Variants in TMPRSS11A observed in about 807,000 individuals in gnomAD.
TMPRSS11A encodes the protein transmembrane serine protease 11A.
In TMPRSS11A, 53 loss-of-function variants were observed where a neutral mutation model predicts 58.9. The observed-to-expected ratio is 0.90, with a 90% CI of 0.72 to 1.13. TMPRSS11A has a LOEUF of 1.13. Ranked by LOEUF, TMPRSS11A falls within the 50% of genes most tolerant of loss-of-function variation. TMPRSS11A has a pLI of 0.00. For missense variants in TMPRSS11A, 493 were observed against 499.3 expected, an observed-to-expected ratio of 0.99 and a Z score of 0.12; for synonymous variants, 167 against 169.8, an observed-to-expected ratio of 0.98 and a Z score of 0.13.
chr4:67,914,751 T>C, intron 8 of TMPRSS11A, 21 bp from the exon 9 acceptor site: 1 of 1,604,720 alleles, frequency 6.2e-7, no homozygotes, highest in Non-Finnish European at 8.5e-7. Context: ...AATAGAGTTA[T>C]TCTAGTATTT....
intron 3 of TMPRSS11A, among the ~76,000 whole-genome samples, chr4:67,939,837 T>C (rs975990277): frequency 6.6e-6 from 1 of 152,044 alleles, no homozygotes; most frequent in Non-Finnish European, 1.5e-5. Context: ...TACAGGCACC[T>C]GCCACCATGC....
At chr4:67,929,419 T>C (rs924990264) in intron 5 of TMPRSS11A, among the ~76,000 whole-genome samples, 9 of 152,224 alleles carry the variant, frequency 5.9e-5, no homozygotes, top group African/African-American at 1.7e-4. Context: ...AACTTCAAAG[T>C]TGGCTTGCCA....
intron 3 of TMPRSS11A, among the ~76,000 whole-genome samples, chr4:67,937,538 A>G (rs1293178665): frequency 1.3e-5 from 2 of 152,220 alleles, no homozygotes; most frequent in African/African-American, 4.8e-5. Context: ...CCTTCCTGAC[A>G]GTAGAACAAT....
chr4:67,946,487 T>C lies in TMPRSS11A; in HGVS notation c.96A>G (p.Ala32=), dbSNP rs1218387440. The change falls in exon 2 of 10, where the codon GCA becomes GCG. Residue 32 remains alanine (A), a synonymous_variant. Transcript: ENST00000508048. ...VLIVLSLTVV[A]VTIGLLVHFL... ...AGTGAACCAGGAGACCTATGGTCAC[T>C]GCCACCACTGTCAGGGACAACACAA... 1 of 1,610,358 alleles carries C rather than the reference T, an allele frequency of 6.2e-7. No homozygotes were observed. The highest frequency in any genetic ancestry group is 1.3e-5 in the African/African-American group (1 of 74,834).
At chr4:67,912,229 A>G (rs1719998999) in intron 9 of TMPRSS11A, among the ~76,000 whole-genome samples, 1 of 152,106 alleles carries the variant, frequency 6.6e-6, no homozygotes, top group African/African-American at 2.4e-5. Context: ...GTTCAAGGAC[A>G]TCAGATAGCT....
intron 8 of TMPRSS11A, among the ~76,000 whole-genome samples, chr4:67,916,042 T>G (rs353168): frequency 2.6e-5 from 4 of 152,128 alleles, no homozygotes; most frequent in Non-Finnish European, 4.4e-5. Context: ...AGCATCTCCC[T>G]AACTCCTTCC....
chr4:67,919,753 G>C (rs1243330514), intron 7 of TMPRSS11A, among the ~76,000 whole-genome samples: 1 of 152,218 alleles, frequency 6.6e-6, no homozygotes, highest in African/African-American at 2.4e-5. Flanking sequence ...CTAAGACATA[G>C]TAAAAGAGGG....
rs146221416 is a variant in TMPRSS11A at position 67,922,872 on chromosome 4, A to G, written c.575T>C (p.Ile192Thr). The G allele has an allele frequency of 1.2e-5, 20 of 1,614,042 alleles. No homozygotes were observed. The highest frequency in any genetic ancestry group is 1.7e-5 in the Non-Finnish European group (20 of 1,180,030). Residue 192 changes from isoleucine to threonine, a missense_variant, in exon 7 of 10, where the codon ATT becomes ACT. Ile to Thr is a moderately conservative substitution (Grantham distance 89, BLOSUM62 -1). Transcript: ENST00000508048. ...CCAAGGCCAGGCCGCCTTGGGTGCA[A>G]TGACTCCAGATGCTATTCTGTTGAC... The part of the protein sequence containing the change: ...LNVNRIASGV[I>T]APKAAWPWQA...
chr4:67,916,512 G>T (rs900845953), intron 8 of TMPRSS11A, among the ~76,000 whole-genome samples: 1 of 150,306 alleles, frequency 6.7e-6, no homozygotes, highest in East Asian at 2.0e-4. Context: ...CATTTATATT[G>T]CCTACTATAT....
intron 7 of TMPRSS11A, among the ~76,000 whole-genome samples, chr4:67,921,492 C>G (rs902213027): frequency 1.3e-5 from 2 of 152,068 alleles, no homozygotes; most frequent in Admixed American, 1.3e-4. Flanking sequence ...CACCACCATG[C>G]CCAATGGGGT....
At chr4:67,930,485 T>G (rs184276739) in intron 4 of TMPRSS11A, among the ~76,000 whole-genome samples, 1 of 152,182 alleles carries the variant, frequency 6.6e-6, no homozygotes, top group Admixed American at 6.5e-5. Context: ...GCTCTGCTTT[T>G]AAGAGTTCAT....
In TMPRSS11A at chr4:67,909,641, C is replaced by A. The variant is rs181064077; in HGVS notation, c.*1701G>T. On this transcript the variant is annotated 3_prime_UTR_variant, in exon 10 of 10. Transcript: ENST00000508048. ...TCTTGAAGTGAATTCAGAGAATTGG[C>A]AGCCAGCTGCCTAAATGAATCTCGT... 1 of 152,222 alleles carries A rather than the reference C, an allele frequency of 6.6e-6. No individual in the cohort carries two copies. Among genetic ancestry groups the A allele is most frequent in the Admixed American group, 6.5e-5 (1 of 15,290 alleles). 9.4% of individuals were successfully genotyped at this position (152,222 alleles called of 1,614,324 possible).
intron 1 of TMPRSS11A, among the ~76,000 whole-genome samples, chr4:67,961,482 C>CTTTTTTTTTTTTTTTTTTTTTT (rs1721418705): frequency 9.8e-6 from 1 of 102,454 alleles, no homozygotes; most frequent in African/African-American, 4.8e-5. Flanking sequence ...CTTTTCTTTT[C>CTTTTTTTTTTTTTTTTTTTTTT]CTTTTTTTTT....
intron 9 of TMPRSS11A, among the ~76,000 whole-genome samples, chr4:67,913,209 G>C (rs1313358216): frequency 6.6e-6 from 1 of 152,118 alleles, no homozygotes; most frequent in Non-Finnish European, 1.5e-5. Flanking sequence ...GAGTTCATAG[G>C]TTGGGGAAAC....
chr4:67,924,921 C>G (rs961603653), intron 5 of TMPRSS11A, among the ~76,000 whole-genome samples: 1 of 151,744 alleles, frequency 6.6e-6, no homozygotes, highest in Non-Finnish European at 1.5e-5. Context: ...TCAGCCTCAG[C>G]CAGAACAGAT....
At chr4:67,932,662 C>T (rs563311700) in intron 3 of TMPRSS11A, among the ~76,000 whole-genome samples, 140 of 152,210 alleles carry the variant, frequency 9.2e-4, no homozygotes, top group African/African-American at 3.3e-3. Context: ...AGCCTCCATC[C>T]TGGCATTACA....
At chr4:67,941,689 A>G (rs948706689) in intron 3 of TMPRSS11A, among the ~76,000 whole-genome samples, 1 of 152,234 alleles carries the variant, frequency 6.6e-6, no homozygotes, top group Admixed American at 6.5e-5. Context: ...GGCTCACTAT[A>G]TGAATTAAAA....
intron 7 of TMPRSS11A, among the ~76,000 whole-genome samples, chr4:67,921,963 G>A (rs1428627996): frequency 6.6e-6 from 1 of 152,042 alleles, no homozygotes; most frequent in Non-Finnish European, 1.5e-5. Context: ...AAAATGACTG[G>A]TTATTATCTT....
intron 1 of TMPRSS11A, among the ~76,000 whole-genome samples, chr4:67,958,532 G>C (rs1350292059): frequency 6.6e-5 from 10 of 152,174 alleles, no homozygotes; most frequent in Non-Finnish European, 5.9e-5. Context: ...ATTTGGAATG[G>C]GTCTATTTAT....
Sources: allele counts gnomAD v4.1 joint callset (sites outside exome capture counted in the v4.1 genomes callset), GRCh38; gene constraint gnomAD v4.1.1; transcripts MANE v1.5; gene names NCBI Gene and HGNC (gene_info 2026-07-23, HGNC 2026-07-21).